Variants in GUCY1A2 observed in about 807,000 individuals in gnomAD.
The protein encoded by GUCY1A2 is guanylate cyclase 1 soluble subunit alpha 2, also known as guanylate cyclase soluble subunit alpha-2.
GUCY1A2 carries 27 observed loss-of-function variants against 63.5 expected under a neutral mutation model. The ratio of observed to expected loss-of-function variants is 0.43; its 90% confidence interval spans 0.31 to 0.59. The LOEUF is 0.59. Among genes scored for constraint, GUCY1A2 ranks in the 20% least tolerant of loss-of-function variants. GUCY1A2 has a pLI of 0.11. For missense variants in GUCY1A2, 768 were observed against 913.3 expected, an observed-to-expected ratio of 0.84 and a Z score of 2.05; for synonymous variants, 364 against 343.5, an observed-to-expected ratio of 1.06 and a Z score of -0.66.
At chr11:106,793,257 A>C (rs1864694332) in intron 5 of GUCY1A2, among the ~76,000 whole-genome samples, 1 of 152,174 alleles carries the variant, frequency 6.6e-6, no homozygotes, top group Non-Finnish European at 1.5e-5. Flanking sequence ...CAATGGAGGA[A>C]GAATCTTCTC....
intron 7 of GUCY1A2, among the ~76,000 whole-genome samples, chr11:106,698,371 C>T (rs1342963196): frequency 6.6e-6 from 1 of 151,666 alleles, no homozygotes; most frequent in East Asian, 1.9e-4. Flanking sequence ...GATCCTCTCC[C>T]CCAGACTCCC....
chr11:106,781,091 G>C (rs1864451137), intron 5 of GUCY1A2, among the ~76,000 whole-genome samples: 1 of 128,272 alleles, frequency 7.8e-6, no homozygotes, highest in Non-Finnish European at 1.6e-5. Flanking sequence ...AATGAAACAA[G>C]TGGACATGGT....
chr11:106,700,632 G>C lies in GUCY1A2; in HGVS notation c.1991+7880C>G, dbSNP rs191206168. Among the ~76,000 whole-genome samples, 71 of 152,208 alleles carry C rather than the reference G, an allele frequency of 4.7e-4. No individual in the cohort carries two copies. The East Asian group carries it at 0.014, about 29-fold the overall frequency. ...AACTACTAAGTCATTTGTCTTTACTGATTATATTTCTTTTGTAAAATATGT... is the reference window on the plus strand; with the variant it reads ...AACTACTAAGTCATTTGTCTTTACTCATTATATTTCTTTTGTAAAATATGT... On this transcript the variant is annotated intron_variant, in intron 7 of 7. Coordinates refer to ENST00000526355, the MANE Select transcript of GUCY1A2 (RefSeq NM_000855.3).
chr11:106,887,193 T>C (rs1210134743), intron 4 of GUCY1A2, among the ~76,000 whole-genome samples: 1 of 152,154 alleles, frequency 6.6e-6, no homozygotes, highest in African/African-American at 2.4e-5. Context: ...CAGCAGGCAC[T>C]ATTTCTATTA....
At chr11:106,755,937 G>A (rs897467633) in intron 6 of GUCY1A2, among the ~76,000 whole-genome samples, 2 of 152,114 alleles carry the variant, frequency 1.3e-5, no homozygotes, top group African/African-American at 4.8e-5. Flanking sequence ...GTCTAATGTT[G>A]ACATTAGGGT....
At chr11:106,843,470 T>C (rs144532633) in intron 4 of GUCY1A2, among the ~76,000 whole-genome samples, 3 of 151,826 alleles carry the variant, frequency 2.0e-5, no homozygotes, top group Admixed American at 2.0e-4. Context: ...GAAATATACC[T>C]GTAGAGACGT....
In GUCY1A2 at chr11:106,684,648, G is replaced by C. The variant is rs1862491198; in HGVS notation, c.*2901C>G. The C allele has an allele frequency of 5.0e-6, 1 of 201,072 alleles. No individual in the cohort carries two copies. The allele number at this position is 201,072 out of a possible 1,614,324, so 12.5% of individuals were successfully genotyped here. Reference sequence around the variant, plus strand: ...GTTATAAGGTGCCTTCTTCCAAACAGCAGCTTAAAAGAATATTAAAATGCA... The same window carrying C: ...GTTATAAGGTGCCTTCTTCCAAACACCAGCTTAAAAGAATATTAAAATGCA... On this transcript the variant is annotated 3_prime_UTR_variant, in exon 8 of 8. Coordinates refer to ENST00000526355, the MANE Select transcript of GUCY1A2 (RefSeq NM_000855.3).
At chr11:106,987,078 T>C (rs1194685016) in intron 1 of GUCY1A2, among the ~76,000 whole-genome samples, 2 of 152,148 alleles carry the variant, frequency 1.3e-5, no homozygotes, top group Non-Finnish European at 2.9e-5. Context: ...AGAGAGAGAA[T>C]GTTTTAAATA....
chr11:106,936,902 A>G (rs1192148149), intron 4 of GUCY1A2, among the ~76,000 whole-genome samples: 1 of 152,226 alleles, frequency 6.6e-6, no homozygotes, highest in Non-Finnish European at 1.5e-5. Flanking sequence ...TACATTAACA[A>G]GAATAGCTAT....
At chr11:106,725,024 G>A (rs1357807593) in intron 6 of GUCY1A2, among the ~76,000 whole-genome samples, 1 of 151,974 alleles carries the variant, frequency 6.6e-6, no homozygotes, top group African/African-American at 2.4e-5. Flanking sequence ...TTTCACAATA[G>A]AAATTTAATT....
chr11:106,962,401 A>G (rs1469270558), intron 3 of GUCY1A2, among the ~76,000 whole-genome samples: 1 of 151,748 alleles, frequency 6.6e-6, no homozygotes, highest in Non-Finnish European at 1.5e-5. Context: ...AAAAAAAAAA[A>G]ATACAAATAT....
intron 2 of GUCY1A2, among the ~76,000 whole-genome samples, chr11:106,984,328 C>G (rs1260847371): frequency 6.6e-6 from 1 of 152,110 alleles, no homozygotes; most frequent in Non-Finnish European, 1.5e-5. Flanking sequence ...ATGCAATAAA[C>G]AGAACTAGGA....
At chr11:106,771,304 G>A (rs1230862321) in intron 6 of GUCY1A2, among the ~76,000 whole-genome samples, 1 of 152,108 alleles carries the variant, frequency 6.6e-6, no homozygotes, top group Admixed American at 6.5e-5. Context: ...TAGCCAGTCA[G>A]CACTAAAAAC....
At chr11:106,945,127 C>A (rs2119995808) in intron 3 of GUCY1A2, among the ~76,000 whole-genome samples, 1 of 150,866 alleles carries the variant, frequency 6.6e-6, no homozygotes, top group East Asian at 1.9e-4. Flanking sequence ...CACACACACC[C>A]CTAAGAATAT....
intron 6 of GUCY1A2, among the ~76,000 whole-genome samples, chr11:106,746,894 C>G (rs1863797486): frequency 6.6e-6 from 1 of 152,114 alleles, no homozygotes; most frequent in Admixed American, 6.5e-5. Context: ...AAGGCACCCA[C>G]GTGATAAAAA....
At chr11:106,761,918 G>A (rs1444303263) in intron 6 of GUCY1A2, among the ~76,000 whole-genome samples, 2 of 152,118 alleles carry the variant, frequency 1.3e-5, no homozygotes, top group Non-Finnish European at 2.9e-5. Flanking sequence ...AACACAACTA[G>A]TGAAGAGATT....
intron 5 of GUCY1A2, among the ~76,000 whole-genome samples, chr11:106,777,260 A>G (rs1019537225): frequency 6.6e-6 from 1 of 152,078 alleles, no homozygotes; most frequent in African/African-American, 2.4e-5. Context: ...ACCATCCTCC[A>G]ACATGGTAAA....
intron 6 of GUCY1A2, among the ~76,000 whole-genome samples, chr11:106,724,459 ACT>A (rs760971475): frequency 6.6e-6 from 1 of 151,018 alleles, no homozygotes; most frequent in Non-Finnish European, 1.5e-5. Flanking sequence ...GCCCCATCTC[ACT>A]CTCTCTGGTC....
chr11:106,805,680 G>C (rs1858673833), intron 5 of GUCY1A2, among the ~76,000 whole-genome samples: 1 of 152,048 alleles, frequency 6.6e-6, no homozygotes, highest in East Asian at 1.9e-4. Flanking sequence ...TGCCTCTTTT[G>C]GTATGCCACT....
Sources: allele counts gnomAD v4.1 joint callset (sites outside exome capture counted in the v4.1 genomes callset), GRCh38; gene constraint gnomAD v4.1.1; transcripts MANE v1.5; gene names NCBI Gene and HGNC (gene_info 2026-07-23, HGNC 2026-07-21).